The following PROP1 variants were observed in gnomAD, a reference collection of about 807,000 sequenced individuals.
PROP1 encodes PROP paired-like homeobox 1.
In PROP1, 12 loss-of-function variants were observed where a neutral mutation model predicts 22.3. The ratio of observed to expected loss-of-function variants is 0.54; its 90% CI spans 0.34 to 0.87. PROP1 has a LOEUF of 0.87. Among genes scored for constraint, PROP1 ranks in the 40% least tolerant of loss-of-function variants. The probability of loss-of-function intolerance (pLI) is 0.01; values close to 1 mark genes in which losing one functional copy is unlikely to be tolerated. For missense variants in PROP1, 278 were observed against 295.1 expected (o/e 0.94, Z 0.43); for synonymous variants, 112 against 116.7 (o/e 0.96, Z 0.26).
Position 177,992,812 on chromosome 5 carries a change from T to A in PROP1, c.578A>T (p.Asp193Val). The A allele has an allele frequency of 6.2e-7, 1 of 1,608,904 alleles. No homozygotes were observed. Among genetic ancestry groups the A allele is most frequent in the Non-Finnish European group, 8.5e-7 (1 of 1,177,628 alleles). ...GGCTGGGTGCAAGGTAGGGTACCAG[T>A]CCTCAGACTGGTGTGACAAAGCAAA... The part of the protein sequence containing the change: ...GAFALSHQSE[D>V]WYPTLHPAPA... Residue 193 changes from aspartate (D) to valine (V), a missense_variant, in exon 3 of 3, where the codon GAC becomes GTC. Physicochemically the swap from Asp to Val is radical, Grantham distance 152. Coordinates refer to ENST00000308304, the MANE Select transcript of PROP1 (RefSeq NM_006261.5).
At position 177,992,895 on chromosome 5, in the gene PROP1, G is replaced by C. The variant is rs1242042054; in HGVS notation, c.495C>G (p.Thr165=). 6.2e-7 allele frequency: 1 copy of C among 1,613,852 alleles called. No homozygotes were observed. Among genetic ancestry groups the C allele is most frequent in the Non-Finnish European group, 8.5e-7 (1 of 1,179,960 alleles). The change falls in exon 3 of 3, where the codon ACC becomes ACG. Residue 165 remains threonine (T), a synonymous_variant. Coordinates refer to ENST00000308304, the MANE Select transcript of PROP1 (RefSeq NM_006261.5). The part of the protein sequence containing the change: ...YSYAAPPPPV[T]CFPHPYSHAL... ...CATGGCTGTAGGGGTGAGGGAAGCA[G>C]GTCACTGGTGGTGGTGGTGCTGCGT... is the stretch of plus-strand genomic sequence containing the variant.
In PROP1 at chr5:177,994,279, A is replaced by G. The variant is rs1352402903; in HGVS notation, c.169T>C (p.Ser57Pro). The stretch of plus-strand genomic sequence containing the variant: ...CGGCCCCTCTGTCCTCCTTGCGGGG[A>G]GAACCTTGATCTCCCCCCTCCTGCA... ...PGAGGGRSRF[S>P]PQGGQRGRPH... Residue 57 changes from serine to proline, a missense_variant, in exon 2 of 3, where the codon TCC (serine) becomes CCC (proline). Ser to Pro is a moderately conservative substitution (Grantham distance 74). Coordinates refer to ENST00000308304, the MANE Select transcript of PROP1 (RefSeq NM_006261.5). 2 of 1,613,182 alleles carry G rather than the reference A, an allele frequency of 1.2e-6. No homozygotes were observed. The highest frequency in any genetic ancestry group is 1.7e-6 in the Non-Finnish European group (2 of 1,179,570).
At chr5:177,993,855 T>C (rs1013787095) in intron 2 of PROP1, among the ~76,000 whole-genome samples, 2 of 152,080 alleles carry the variant, frequency 1.3e-5, no homozygotes, top group Admixed American at 6.5e-5. Flanking sequence ...GTGTGAGCTA[T>C]TGTGCCCAGC....
Position 177,992,455 on chromosome 5 carries a change from A to G in PROP1, c.*254T>C. On this transcript the variant is annotated 3_prime_UTR_variant, in exon 3 of 3. Coordinates refer to ENST00000308304, the MANE Select transcript of PROP1 (RefSeq NM_006261.5). ...CCACTCACCAGCAACTGTCTTCATC[A>G]ATATCACCCTTCAGCAGGCAGCTCC... 1 of 533,654 alleles carries G rather than the reference A, an allele frequency of 1.9e-6. No individual in the cohort carries two copies. The highest frequency in any genetic ancestry group is 3.3e-6 in the Non-Finnish European group (1 of 300,934). The allele number at this position is 533,654 out of a possible 1,614,324, so 33.1% of individuals were successfully genotyped here.
rs909146487 is a variant in PROP1 at position 177,994,087 on chromosome 5, G to A, written c.342+19C>T. On this transcript the variant is annotated intron_variant, in intron 2 of 2. Transcript: ENST00000308304. ...AATCTGCATTTCTTTCCTGAGAGAG[G>A]AGGATCCTGGAGCATCACCTGGATT... is the stretch of plus-strand genomic sequence containing the variant. 8.1e-6 allele frequency: 13 copies of A among 1,608,824 alleles called. No homozygotes were observed. The highest frequency in any genetic ancestry group is 1.3e-5 in the African/African-American group (1 of 74,790).
intron 1 of PROP1, among the ~76,000 whole-genome samples, chr5:177,995,058 A>C (rs1215378323): frequency 6.6e-6 from 1 of 151,872 alleles, no homozygotes; most frequent in Non-Finnish European, 1.5e-5. Context: ...TCTACGGAAG[A>C]CCCTAGTGCT....
Position 177,995,992 on chromosome 5 carries a change from C to A in PROP1, c.-59G>T, listed in dbSNP as rs1755762573. 6.9e-7 allele frequency: 1 copy of A among 1,458,168 alleles called. No individual in the cohort carries two copies. The highest frequency in any genetic ancestry group is 1.4e-5 in the African/African-American group (1 of 72,244). The allele number at this position is 1,458,168 out of a possible 1,614,324, so 90.3% of individuals were successfully genotyped here. ...CTGACTTGAGATTTCTCTGCTTCCGCAGCTCCTCTCCACACCTGTTCCCTC... is the reference window on the plus strand; with the variant it reads ...CTGACTTGAGATTTCTCTGCTTCCGAAGCTCCTCTCCACACCTGTTCCCTC... On this transcript the variant is annotated 5_prime_UTR_variant, in exon 1 of 3. Coordinates refer to ENST00000308304, the MANE Select transcript of PROP1 (RefSeq NM_006261.5).
At position 177,994,091 on chromosome 5, in the gene PROP1, A is replaced by G; in HGVS notation, c.342+15T>C. ...TGCATTTCTTTCCTGAGAGAGGAGG[A>G]TCCTGGAGCATCACCTGGATTCGGG... is the stretch of plus-strand genomic sequence containing the variant. On this transcript the variant is annotated intron_variant, in intron 2 of 2. Coordinates refer to ENST00000308304, the MANE Select transcript of PROP1 (RefSeq NM_006261.5). 1 of 1,612,306 alleles carries G rather than the reference A, an allele frequency of 6.2e-7. No individual in the cohort carries two copies. The highest frequency in any genetic ancestry group is 1.3e-5 in the African/African-American group (1 of 74,958).
In PROP1 at chr5:177,992,968, G is replaced by A; in HGVS notation, c.422C>T (p.Ala141Val). 1 of 1,614,036 alleles carries A rather than the reference G, an allele frequency of 6.2e-7. No individual in the cohort carries two copies. The highest frequency in any genetic ancestry group is 8.5e-7 in the Non-Finnish European group (1 of 1,179,992). Reference protein sequence around the residue: ...LLQPLAHLSPAAFSSFLPEST... With the variant: ...LLQPLAHLSPVAFSSFLPEST... ...CTCTGGCAAGAAGCTGGAAAAGGCG[G>A]CAGGAGACAGATGGGCCAGAGGCTG... is the stretch of plus-strand genomic sequence containing the variant. The change falls in exon 3 of 3, where the codon GCC (alanine) becomes GTC (valine). Residue 141 changes from alanine (A) to valine (V), a missense_variant. Coordinates refer to ENST00000308304, the MANE Select transcript of PROP1 (RefSeq NM_006261.5).
rs1022580514 is a variant in PROP1, at chr5:177,996,206, A to G, written c.-273T>C. 1.8e-5 allele frequency: 9 copies of G among 506,672 alleles called. No homozygotes were observed. The highest frequency in any genetic ancestry group is 3.9e-5 in the African/African-American group (2 of 51,776). 31.4% of individuals were successfully genotyped at this position (506,672 alleles called of 1,614,324 possible). A position where few individuals can be genotyped will look rare whatever the true frequency, so the allele number is the denominator to read the frequency against. The stretch of plus-strand genomic sequence containing the variant: ...CTCACCTGTTGCTCTGTTTCTGACT[A>G]CTTTTCTCTGCCTGGCCCTTCTCCC... On this transcript the variant is annotated 5_prime_UTR_variant, in exon 1 of 3. Coordinates refer to ENST00000308304, the MANE Select transcript of PROP1 (RefSeq NM_006261.5).
At chr5:177,994,516 C>T (rs1755711642) in intron 1 of PROP1, among the ~76,000 whole-genome samples, 178 bp from the exon 2 acceptor site, 1 of 152,086 alleles carries the variant, frequency 6.6e-6, no homozygotes, top group African/African-American at 2.4e-5. Flanking sequence ...CAGCTCACTG[C>T]AGCCTCGAAC....
Position 177,992,735 on chromosome 5 carries a change from G to A in PROP1, c.655C>T (p.Leu219Phe), listed in dbSNP as rs771561181. ...CAGTTCCAGGACTTGGATGGCTCAA[G>A]GCTGAGGGGGAGCATGGGAGGGGGT... is the stretch of plus-strand genomic sequence containing the variant. ...PPPPPMLPLS[L>F]EPSKSWN Residue 219 changes from leucine (L) to phenylalanine (F), a missense_variant, in exon 3 of 3, where the codon CTT (leucine) becomes TTT (phenylalanine). Leu to Phe is a conservative substitution (Grantham distance 22). Coordinates refer to ENST00000308304, the MANE Select transcript of PROP1 (RefSeq NM_006261.5). 1.9e-6 allele frequency: 3 copies of A among 1,591,618 alleles called. No homozygotes were observed. The highest frequency in any genetic ancestry group is 2.2e-5 in the South Asian group (2 of 89,016).
intron 1 of PROP1, among the ~76,000 whole-genome samples, chr5:177,995,085 G>A (rs1755732158): frequency 6.6e-6 from 1 of 152,106 alleles, no homozygotes; most frequent in East Asian, 1.9e-4. Flanking sequence ...CTGCTGGCGA[G>A]GCTCCTGTTC....
At position 177,994,107 on chromosome 5, in the gene PROP1, T is replaced by G; in HGVS notation, c.341A>C (p.Gln114Pro). The change falls in exon 2 of 3, where the codon CAG (glutamine) becomes CCG (proline). Residue 114 changes from glutamine (Q) to proline (P), a missense_variant and splice_region_variant. By Grantham distance (76) the Gln-to-Pro change is moderately conservative. Transcript: ENST00000308304. ...RDTGLSEARI[Q>P]VWFQNRRAKQ... The stretch of plus-strand genomic sequence containing the variant: ...GAGAGGAGGATCCTGGAGCATCACC[T>G]GGATTCGGGCCTCACTGAGGCCAGT... The G allele has an allele frequency of 6.2e-7, 1 of 1,613,490 alleles. No individual in the cohort carries two copies. The highest frequency in any genetic ancestry group is 8.5e-7 in the Non-Finnish European group (1 of 1,179,412).
intron 1 of PROP1, among the ~76,000 whole-genome samples, chr5:177,995,263 G>C (rs111526199): frequency 1.8e-4 from 28 of 152,064 alleles, no homozygotes; most frequent in African/African-American, 6.0e-4. Flanking sequence ...CGTGGGAAAG[G>C]CTTGCCTTCC....
intron 2 of PROP1, among the ~76,000 whole-genome samples, chr5:177,993,741 A>G (rs1193527415): frequency 1.3e-5 from 2 of 151,908 alleles, no homozygotes; most frequent in Non-Finnish European, 2.9e-5. Context: ...AATTTTTTGT[A>G]TTTTTAGCAG....
At chr5:177,993,739 G>A (rs144626049) in intron 2 of PROP1, among the ~76,000 whole-genome samples, 222 of 152,128 alleles carry the variant, frequency 1.5e-3, no homozygotes, top group African/African-American at 4.9e-3. Context: ...CTAATTTTTT[G>A]TATTTTTAGC....
In PROP1 at chr5:177,995,836, G is replaced by T. The variant is rs903475583; in HGVS notation, c.98C>A (p.Thr33Asn). ...PERHPATGTP[T>N]TTVDSSAPPC... The stretch of plus-strand genomic sequence containing the variant: ...GGACGGTCACTCACCCACCGTGGTG[G>T]TCGGGGTCCCAGTGGCCGGGTGTCT... The change falls in exon 1 of 3, where the codon ACC becomes AAC. Residue 33 changes from threonine to asparagine, a missense_variant. Physicochemically the swap from Thr to Asn is moderately conservative, Grantham distance 65 (BLOSUM62 0). Coordinates refer to ENST00000308304, the MANE Select transcript of PROP1 (RefSeq NM_006261.5). 1 of 1,613,716 alleles carries T rather than the reference G, an allele frequency of 6.2e-7. No individual in the cohort carries two copies. The highest frequency in any genetic ancestry group is 1.3e-5 in the African/African-American group (1 of 75,060).
In PROP1 at chr5:177,994,201, G is replaced by C. The variant is rs1268819479; in HGVS notation, c.247C>G (p.Gln83Glu). ...RTTFSPVQLE[Q>E]LESAFGRNQY... ...TTCCTCCCAAAGGCTGACTCCAGCTGTTCCAACTGCACTGGGCTGAAGGTG... is the reference window on the plus strand; with the variant it reads ...TTCCTCCCAAAGGCTGACTCCAGCTCTTCCAACTGCACTGGGCTGAAGGTG... The change falls in exon 2 of 3, where the codon CAG becomes GAG. Residue 83 changes from glutamine (Q) to glutamate (E), a missense_variant. Physicochemically the swap from Gln to Glu is conservative, Grantham distance 29. Transcript: ENST00000308304. 1 of 1,614,180 alleles carries C rather than the reference G, an allele frequency of 6.2e-7. No homozygotes were observed. The highest frequency in any genetic ancestry group is 8.5e-7 in the Non-Finnish European group (1 of 1,180,024).
Sources: gnomAD v4.1 joint callset for allele counts (sites outside exome capture counted in the v4.1 genomes callset) on GRCh38, gnomAD v4.1.1 for gene constraint, MANE v1.5 for transcripts, NCBI Gene and HGNC (gene_info 2026-07-23, HGNC 2026-07-21) for gene names.